Variants in CADM1 observed in about 807,000 individuals in gnomAD.
The protein encoded by CADM1 is cell adhesion molecule 1.
Under a neutral mutation model 53.1 loss-of-function variants are expected in CADM1, and 15 were observed. The observed-to-expected ratio is 0.28, with a 90% confidence interval of 0.19 to 0.44. The LOEUF (loss-of-function observed/expected upper bound fraction) is 0.44. CADM1 is among the 20% of genes least tolerant of loss of function. The pLI, the probability that CADM1 is intolerant of heterozygous loss-of-function variation, is 1.00. For missense variants in CADM1, 434 were observed against 611.3 expected (o/e 0.71, Z 3.06); for synonymous variants, 281 against 243.0 (o/e 1.16, Z -1.45).
chr11:115,312,193 TA>T (rs1944550038), intron 1 of CADM1, among the ~76,000 whole-genome samples: 1 of 152,164 alleles, frequency 6.6e-6, no homozygotes, highest in South Asian at 2.1e-4. Context: ...ATTGGTTAAC[TA>T]CCAGAAAAAG....
At chr11:115,308,766 CCCTCCTTCCCTCCCTCCCTTCATCCTT>C (rs2135156168) in intron 1 of CADM1, among the ~76,000 whole-genome samples, 1 of 148,984 alleles carries the variant, frequency 6.7e-6, no homozygotes, top group Non-Finnish European at 1.5e-5. Flanking sequence ...TTCCCTCTTT[CCCTCCTTCCCTCCCTCCCTTCATCCTT>C]CCTCCCTCCC....
chr11:115,373,889 C>T (rs1946375549), intron 1 of CADM1, among the ~76,000 whole-genome samples: 2 of 152,122 alleles, frequency 1.3e-5, no homozygotes, highest in Non-Finnish European at 2.9e-5. Flanking sequence ...AATGAAAACA[C>T]AAATACATGA....
chr11:115,500,225 T>C (rs1264845180), intron 1 of CADM1, among the ~76,000 whole-genome samples: 2 of 152,202 alleles, frequency 1.3e-5, no homozygotes, highest in Non-Finnish European at 2.9e-5. Flanking sequence ...TAAATTTCCA[T>C]TCAAATTATA....
chr11:115,465,821 T>A (rs1013086643), intron 1 of CADM1, among the ~76,000 whole-genome samples: 1 of 152,176 alleles, frequency 6.6e-6, no homozygotes, highest in Non-Finnish European at 1.5e-5. Context: ...GTGTTGTAAG[T>A]TTTAACCTGG....
At chr11:115,398,171 T>C (rs1232728391) in intron 1 of CADM1, among the ~76,000 whole-genome samples, 5 of 152,222 alleles carry the variant, frequency 3.3e-5, no homozygotes, top group Non-Finnish European at 5.9e-5. Context: ...CAACACATCA[T>C]TGGGGGAAAG....
At chr11:115,292,178 G>C (rs1943924147) in intron 1 of CADM1, among the ~76,000 whole-genome samples, 1 of 152,162 alleles carries the variant, frequency 6.6e-6, no homozygotes, top group Non-Finnish European at 1.5e-5. Flanking sequence ...CAAGTCTAAA[G>C]TCAAGGGATT....
At chr11:115,227,897 GTCCATGT>G (rs1186579811) in intron 5 of CADM1, among the ~76,000 whole-genome samples, 1 of 152,188 alleles carries the variant, frequency 6.6e-6, no homozygotes, top group Non-Finnish European at 1.5e-5. Context: ...CCAAAGATAA[GTCCATGT>G]TCTAACCCTT....
At chr11:115,275,455 T>C (rs1333705431) in intron 1 of CADM1, among the ~76,000 whole-genome samples, 1 of 152,200 alleles carries the variant, frequency 6.6e-6, no homozygotes, top group Non-Finnish European at 1.5e-5. Flanking sequence ...TGCTTTACTG[T>C]TTCCCATCTA....
chr11:115,503,568 C>T (rs570047362), intron 1 of CADM1, among the ~76,000 whole-genome samples: 3 of 152,140 alleles, frequency 2.0e-5, no homozygotes, highest in Admixed American at 2.0e-4. Context: ...GCCGCCCCCC[C>T]CGCGGGGCCG....
At chr11:115,274,417 C>G (rs1273016884) in intron 1 of CADM1, among the ~76,000 whole-genome samples, 1 of 152,222 alleles carries the variant, frequency 6.6e-6, no homozygotes, top group Non-Finnish European at 1.5e-5. Flanking sequence ...GGAGATTTGT[C>G]CCTTGAAAAA....
chr11:115,391,299 T>C lies in CADM1; in HGVS notation c.124+112972A>G, dbSNP rs562556198. On this transcript the variant is annotated intron_variant, in intron 1 of 11. Coordinates refer to ENST00000331581, the MANE Select transcript of CADM1 (RefSeq NM_001301043.2). ...ACAACACACTCTCAGGGCTGTCTGG[T>C]TTACCACTATTTCTTCTTTACATTC... Among the ~76,000 whole-genome samples the C allele has an allele frequency of 1.2e-4, 18 of 152,344 alleles. No individual in the cohort carries two copies. In the East Asian group the frequency reaches 3.3e-3, roughly 28 times the overall value.
At chr11:115,448,520 T>G (rs1301575772) in intron 1 of CADM1, among the ~76,000 whole-genome samples, 3 of 152,162 alleles carry the variant, frequency 2.0e-5, no homozygotes, top group Non-Finnish European at 2.9e-5. Context: ...AGAATCAAAT[T>G]GATTAATATA....
intron 1 of CADM1, among the ~76,000 whole-genome samples, chr11:115,308,178 T>C (rs914490858): frequency 1.2e-4 from 15 of 123,712 alleles, no homozygotes; most frequent in African/African-American, 5.4e-4. Flanking sequence ...TGTGTGTGTA[T>C]ATCACTCATA....
At chr11:115,378,107 A>G (rs1009709207) in intron 1 of CADM1, among the ~76,000 whole-genome samples, 1 of 152,192 alleles carries the variant, frequency 6.6e-6, no homozygotes, top group Non-Finnish European at 1.5e-5. Context: ...TTCCATCAAT[A>G]CAAACACTGA....
chr11:115,354,181 A>C (rs1336559410), intron 1 of CADM1, among the ~76,000 whole-genome samples: 1 of 152,224 alleles, frequency 6.6e-6, no homozygotes, highest in Non-Finnish European at 1.5e-5. Flanking sequence ...ACTGATTAAA[A>C]GATATGGGGA....
At chr11:115,375,608 G>A (rs1946418170) in intron 1 of CADM1, among the ~76,000 whole-genome samples, 2 of 152,138 alleles carry the variant, frequency 1.3e-5, no homozygotes, top group Non-Finnish European at 2.9e-5. Context: ...TACTTACATA[G>A]TGTTTAAGAA....
intron 1 of CADM1, among the ~76,000 whole-genome samples, chr11:115,467,266 C>T (rs1320265185): frequency 2.6e-5 from 4 of 152,172 alleles, no homozygotes; most frequent in African/African-American, 9.7e-5. Flanking sequence ...CTACTTCTAC[C>T]TTCTAAACGA....
At chr11:115,238,726 C>T in intron 2 of CADM1, 74 bp from the exon 3 acceptor site, 3 of 1,467,802 alleles carry the variant, frequency 2.0e-6, no homozygotes, top group Non-Finnish European at 2.9e-6. Context: ...TTATTTATTA[C>T]ATCTTGCTGT....
At chr11:115,479,173 C>CT (rs1266442021) in intron 1 of CADM1, among the ~76,000 whole-genome samples, 3 of 152,006 alleles carry the variant, frequency 2.0e-5, no homozygotes, top group African/African-American at 7.2e-5. Context: ...ATCTTTAAGA[C>CT]TTTTTTGAGA....
Sources: gnomAD v4.1 joint callset for allele counts (sites outside exome capture counted in the v4.1 genomes callset) on GRCh38, gnomAD v4.1.1 for gene constraint, MANE v1.5 for transcripts, NCBI Gene and HGNC (gene_info 2026-07-23, HGNC 2026-07-21) for gene names.